Variants in FYB1 observed in about 807,000 individuals in gnomAD.
FYB1 encodes FYN-binding protein 1.
A neutral mutation model predicts 94.1 loss-of-function variants in FYB1; 41 were observed. That is an observed-to-expected ratio of 0.44 (90% confidence interval 0.34 to 0.57). FYB1 has a LOEUF of 0.57. Among genes scored for constraint, FYB1 ranks in the 20% least tolerant of loss-of-function variants. FYB1 has a pLI of 0.02. For missense variants in FYB1, 1,050 were observed against 976.8 expected (o/e 1.07, Z -1.00); for synonymous variants, 367 against 353.2 (o/e 1.04, Z -0.44).
At chr5:39,182,832 C>G (rs1051302856) in intron 2 of FYB1, among the ~76,000 whole-genome samples, 25 of 152,182 alleles carry the variant, frequency 1.6e-4, no homozygotes, top group Non-Finnish European at 5.9e-5. Context: ...GTTTCCTTTT[C>G]CATTTGTTGT....
chr5:39,138,963 A>T (rs752199824), intron 5 of FYB1: 74 of 546,558 alleles, frequency 1.4e-4, no homozygotes, highest in Non-Finnish European at 2.2e-4. Flanking sequence ...TGGGAAAGCA[A>T]AAACAAAATT....
chr5:39,138,847 C>T (rs995095518), intron 5 of FYB1, 156 bp from the exon 6 acceptor site: 1 of 661,772 alleles, frequency 1.5e-6, no homozygotes, highest in African/African-American at 1.8e-5. Context: ...TTAAAGGAGC[C>T]ATACTGTGAA....
At chr5:39,257,704 T>C (rs1181299930) in intron 1 of FYB1, among the ~76,000 whole-genome samples, 1 of 152,086 alleles carries the variant, frequency 6.6e-6, no homozygotes, top group African/African-American at 2.4e-5. Flanking sequence ...CAATTTTCGC[T>C]TAGAATTCCA....
chr5:39,143,402 C>T (rs1305800652), intron 3 of FYB1, among the ~76,000 whole-genome samples: 6 of 147,758 alleles, frequency 4.1e-5, no homozygotes, highest in African/African-American at 1.6e-4. Flanking sequence ...TTACTTCCCT[C>T]TTCCATTTCT....
At chr5:39,150,030 A>T (rs902562630) in intron 3 of FYB1, among the ~76,000 whole-genome samples, 1 of 152,138 alleles carries the variant, frequency 6.6e-6, no homozygotes, top group Non-Finnish European at 1.5e-5. Context: ...TGACCTCCAG[A>T]TCTTCCTCAC....
Position 39,118,922 on chromosome 5 carries a change from G to T in FYB1, c.2353C>A (p.Gln785Lys). The T allele has an allele frequency of 6.4e-7, 1 of 1,562,322 alleles. No homozygotes were observed. Among genetic ancestry groups the T allele is most frequent in the South Asian group, 1.2e-5 (1 of 82,536 alleles). Reference protein sequence around the residue: ...VKPGESLEVIQTTDDTKVLCR... With the variant: ...VKPGESLEVIKTTDDTKVLCR... ...AGAACTTTTGTGTCATCTGTGGTTTGTATAACTTCTAGAGATTCACCAGGT... is the reference window on the plus strand; with the variant it reads ...AGAACTTTTGTGTCATCTGTGGTTTTTATAACTTCTAGAGATTCACCAGGT... Residue 785 changes from glutamine (Q) to lysine (K), a missense_variant, in exon 16 of 19, where the codon CAA becomes AAA. Transcript: ENST00000512982.
chr5:39,222,227 T>C (rs928661868), upstream of FYB1, among the ~76,000 whole-genome samples: 1 of 152,134 alleles, frequency 6.6e-6, no homozygotes, highest in Non-Finnish European at 1.5e-5. Context: ...TGGCGTCTTG[T>C]ACTCTCTCTT....
At position 39,169,635 on chromosome 5, in the gene FYB1, A is replaced by T. The variant is rs113037102; in HGVS notation, c.1136-16031T>A. The stretch of plus-strand genomic sequence containing the variant: ...CGAGGCGGGTGGATTACCTGAGGTC[A>T]GGAGTTCGAGACCAGTCTGGCCAAC... On this transcript the variant is annotated intron_variant, in intron 2 of 18. Coordinates refer to ENST00000512982, the MANE Select transcript of FYB1 (RefSeq NM_001465.6). 7.2e-5 allele frequency: 32 copies of T among 444,996 alleles called. No individual in the cohort carries two copies. In the Middle Eastern group the frequency reaches 3.5e-3, roughly 49 times the overall value. 27.6% of individuals were successfully genotyped at this position (444,996 alleles called of 1,614,324 possible).
intron 1 of FYB1, among the ~76,000 whole-genome samples, chr5:39,266,416 G>A (rs1015908735): frequency 2.0e-5 from 3 of 152,166 alleles, no homozygotes; most frequent in Non-Finnish European, 2.9e-5. Context: ...GCCCAGTGTC[G>A]TGTGTCCAAT....
intron 1 of FYB1, among the ~76,000 whole-genome samples, chr5:39,207,523 G>T (rs1172293094): frequency 6.6e-6 from 1 of 152,162 alleles, no homozygotes; most frequent in Non-Finnish European, 1.5e-5. Flanking sequence ...CTGCATAAAA[G>T]TAATGAACCA....
intron 2 of FYB1, among the ~76,000 whole-genome samples, chr5:39,192,527 T>C (rs1172098024): frequency 1.3e-5 from 2 of 152,236 alleles, no homozygotes; most frequent in Non-Finnish European, 2.9e-5. Context: ...TATTTTCTTA[T>C]TTTTTGAGAT....
intron 2 of FYB1, among the ~76,000 whole-genome samples, chr5:39,160,820 G>A (rs986644250): frequency 1.3e-5 from 2 of 152,236 alleles, no homozygotes; most frequent in African/African-American, 4.8e-5. Flanking sequence ...GTATGGGATA[G>A]GCGCTTTAAA....
At chr5:39,146,195 G>A (rs530358223) in intron 3 of FYB1, among the ~76,000 whole-genome samples, 16 of 152,130 alleles carry the variant, frequency 1.1e-4, no homozygotes, top group African/African-American at 3.4e-4. Context: ...GATTACAGGC[G>A]TGAGACACTG....
intron 1 of FYB1, among the ~76,000 whole-genome samples, chr5:39,235,511 T>C (rs1750919323): frequency 6.6e-6 from 1 of 151,948 alleles, no homozygotes; most frequent in East Asian, 1.9e-4. Context: ...TCAGCAGAAT[T>C]CATAAAATGT....
At chr5:39,126,230 A>G in intron 11 of FYB1, 95 bp from the exon 12 acceptor site, 1 of 1,297,126 alleles carries the variant, frequency 7.7e-7, no homozygotes, top group African/African-American at 1.5e-5. Context: ...ATTAATCATT[A>G]CGGCCACATT....
At chr5:39,272,585 T>C (rs1226639583) in intron 1 of FYB1, among the ~76,000 whole-genome samples, 1 of 138,926 alleles carries the variant, frequency 7.2e-6, no homozygotes, top group Non-Finnish European at 1.5e-5. Flanking sequence ...GGCAGGAGAA[T>C]GGCATGAACC....
At chr5:39,273,819 T>A (rs895458078) in intron 1 of FYB1, among the ~76,000 whole-genome samples, 3 of 152,176 alleles carry the variant, frequency 2.0e-5, no homozygotes, top group Admixed American at 6.5e-5. Context: ...ACCAACTTCA[T>A]TTTTTAAACT....
In FYB1 at chr5:39,134,200, G is replaced by A; in HGVS notation, c.1817+8C>T. ...TTGATCTGTTCTACAATACGTACTT[G>A]CACATACCTGCTAATATCATCCTGC... On this transcript the variant is annotated splice_region_variant and intron_variant, in intron 9 of 18. Coordinates refer to ENST00000512982, the MANE Select transcript of FYB1 (RefSeq NM_001465.6). 4.4e-6 allele frequency: 7 copies of A among 1,604,048 alleles called. No homozygotes were observed. Among genetic ancestry groups the A allele is most frequent in the Non-Finnish European group, 6.0e-6 (7 of 1,172,508 alleles).
At chr5:39,140,272 C>T (rs1169727637) in intron 4 of FYB1, among the ~76,000 whole-genome samples, 1 of 152,024 alleles carries the variant, frequency 6.6e-6, no homozygotes, top group South Asian at 2.1e-4. Context: ...AAAGGAACCC[C>T]TACAAGTTAA....
Sources: allele counts gnomAD v4.1 joint callset (sites outside exome capture counted in the v4.1 genomes callset), GRCh38; gene constraint gnomAD v4.1.1; transcripts MANE v1.5; gene names NCBI Gene and HGNC (gene_info 2026-07-23, HGNC 2026-07-21).